Variants in SNX4 observed in about 807,000 individuals in gnomAD.
SNX4 encodes the protein sorting nexin-4.
In SNX4, 49 loss-of-function variants were observed where a neutral mutation model predicts 70.8. That is an observed-to-expected ratio of 0.69 (90% confidence interval 0.55 to 0.88). The LOEUF is 0.88. Ranked by LOEUF, SNX4 falls within the 40% of genes least tolerant of loss-of-function variation. SNX4 has a pLI of 0.00. For missense variants in SNX4, 528 were observed against 544.8 expected (o/e 0.97, Z 0.31); for synonymous variants, 206 against 183.8 (o/e 1.12, Z -0.98).
At chr3:125,472,098 CA>C (rs1934189913) in intron 8 of SNX4, among the ~76,000 whole-genome samples, 1 of 152,128 alleles carries the variant, frequency 6.6e-6, no homozygotes, top group Admixed American at 6.6e-5. Flanking sequence ...CTTTTCTAGT[CA>C]CAGCTCAGTC....
intron 11 of SNX4, among the ~76,000 whole-genome samples, chr3:125,456,670 A>G (rs1341516752): frequency 2.0e-5 from 3 of 151,990 alleles, no homozygotes; most frequent in Non-Finnish European, 2.9e-5. Context: ...TAATAAAAAC[A>G]ATTTTTTTGA....
At chr3:125,472,020 T>C (rs989016083) in intron 8 of SNX4, among the ~76,000 whole-genome samples, 1 of 152,200 alleles carries the variant, frequency 6.6e-6, no homozygotes, top group Non-Finnish European at 1.5e-5. Flanking sequence ...ATCTTCCCTG[T>C]TTCTTCTCTG....
rs527531039 is a variant in SNX4 at position 125,458,704 on chromosome 3, C to T, written c.945-1339G>A. 8.6e-5 allele frequency among the ~76,000 whole-genome samples: 13 copies of T among 150,584 alleles called. No homozygotes were observed. The South Asian group carries it at 2.5e-3, about 29-fold the overall frequency. On this transcript the variant is annotated intron_variant, in intron 10 of 13. Coordinates refer to ENST00000251775, the MANE Select transcript of SNX4 (RefSeq NM_003794.4). The stretch of plus-strand genomic sequence containing the variant: ...TGGCAGGCGCCTGTACTCCCAGCTA[C>T]GCGGGAGGCTGAAGCAGGAGAATGG...
At chr3:125,497,728 T>C (rs1034766383) in intron 4 of SNX4, 106 bp downstream of exon 4, 17 of 761,496 alleles carry the variant, frequency 2.2e-5, no homozygotes, top group Non-Finnish European at 3.4e-5. Flanking sequence ...AAAAAATAAA[T>C]TGCATATAAA....
chr3:125,466,877 G>A (rs1416630027), intron 9 of SNX4, among the ~76,000 whole-genome samples: 1 of 152,156 alleles, frequency 6.6e-6, no homozygotes, highest in Non-Finnish European at 1.5e-5. Flanking sequence ...GAGGTCAGGA[G>A]TTTGAGACCA....
At chr3:125,452,648 C>T (rs1933604012) in intron 12 of SNX4, among the ~76,000 whole-genome samples, 1 of 152,092 alleles carries the variant, frequency 6.6e-6, no homozygotes, top group Non-Finnish European at 1.5e-5. Context: ...GACAGAGTTT[C>T]ACTCTGTCGC....
intron 6 of SNX4, among the ~76,000 whole-genome samples, chr3:125,483,855 G>A (rs1469160468): frequency 2.6e-5 from 4 of 152,322 alleles, no homozygotes; most frequent in South Asian, 2.1e-4. Flanking sequence ...TTCTGAAAAC[G>A]AGGGTATAAC....
intron 11 of SNX4, among the ~76,000 whole-genome samples, chr3:125,455,990 G>T (rs572135459): frequency 3.7e-4 from 57 of 152,210 alleles, no homozygotes; most frequent in African/African-American, 1.3e-3. Flanking sequence ...GCAACAGAGC[G>T]AAACTCGGTC....
chr3:125,498,359 G>A (rs577396745), intron 2 of SNX4, among the ~76,000 whole-genome samples, 165 bp from the exon 3 acceptor site: 10 of 151,988 alleles, frequency 6.6e-5, no homozygotes, highest in African/African-American at 9.7e-5. Context: ...TCCCACTGTC[G>A]CTCAGGTTGG....
chr3:125,488,302 C>T (rs907138291), intron 6 of SNX4, among the ~76,000 whole-genome samples: 3 of 151,548 alleles, frequency 2.0e-5, no homozygotes, highest in Admixed American at 2.0e-4. Context: ...ACGGCAAAAC[C>T]CCATCTCTAC....
intron 1 of SNX4, among the ~76,000 whole-genome samples, chr3:125,516,104 C>T (rs939522651): frequency 1.3e-5 from 2 of 152,338 alleles, no homozygotes; most frequent in East Asian, 3.9e-4. Context: ...CTCAATCACT[C>T]TGCTCCATCA....
At chr3:125,492,008 T>C (rs1934671071) in intron 5 of SNX4, among the ~76,000 whole-genome samples, 1 of 145,188 alleles carries the variant, frequency 6.9e-6, no homozygotes, top group South Asian at 2.1e-4. Flanking sequence ...CTCAGGAGGC[T>C]GAGGCAGGAG....
intron 6 of SNX4, among the ~76,000 whole-genome samples, chr3:125,485,249 A>C (rs933398704): frequency 2.0e-5 from 3 of 152,112 alleles, no homozygotes; most frequent in African/African-American, 7.2e-5. Context: ...TTGTCTCAAA[A>C]ACAACAAAGG....
Position 125,447,628 on chromosome 3 carries a change from A to T in SNX4, c.*151T>A. 1.8e-6 allele frequency: 1 copy of T among 546,828 alleles called. No individual in the cohort carries two copies. 33.9% of individuals were successfully genotyped at this position (546,828 alleles called of 1,614,324 possible). On this transcript the variant is annotated 3_prime_UTR_variant, in exon 14 of 14. Transcript: ENST00000251775. ...CATTAAAATATATTTTTTGTGCTACATTAACACGACCACAATTAAGTTAAA... is the reference window on the plus strand; with the variant it reads ...CATTAAAATATATTTTTTGTGCTACTTTAACACGACCACAATTAAGTTAAA...
At position 125,482,219 on chromosome 3, in the gene SNX4, A is replaced by G. The variant is rs1934427984; in HGVS notation, c.654-1900T>C. Among the ~76,000 whole-genome samples, 3 of 152,164 alleles carry G rather than the reference A, an allele frequency of 2.0e-5. No homozygotes were observed. In the South Asian group the frequency reaches 6.2e-4, roughly 31 times the overall value. Reference sequence around the variant, plus strand: ...AATTCCAAATTTCTACCATCAGCCCAAATCTCTCTTAACTCCAGATCTATA... The same window carrying G: ...AATTCCAAATTTCTACCATCAGCCCGAATCTCTCTTAACTCCAGATCTATA... On this transcript the variant is annotated intron_variant, in intron 6 of 13. Transcript: ENST00000251775.
At position 125,476,039 on chromosome 3, in the gene SNX4, G is replaced by A. The variant is rs998182424; in HGVS notation, c.788+656C>T. On this transcript the variant is annotated intron_variant, in intron 8 of 13. Coordinates refer to ENST00000251775, the MANE Select transcript of SNX4 (RefSeq NM_003794.4). The stretch of plus-strand genomic sequence containing the variant: ...ATCCAGCATTTTAGGAGGCCGAGGC[G>A]GGTGGATCACGAGGTCAGGAGTTCA... 5.3e-5 allele frequency among the ~76,000 whole-genome samples: 8 copies of A among 151,290 alleles called. No homozygotes were observed. In the East Asian group the frequency reaches 5.9e-4, roughly 11 times the overall value.
intron 1 of SNX4, among the ~76,000 whole-genome samples, chr3:125,518,126 T>C (rs1159228556): frequency 2.6e-5 from 4 of 152,184 alleles, no homozygotes; most frequent in Non-Finnish European, 5.9e-5. Flanking sequence ...TAAATTAACA[T>C]AAACAGATTT....
intron 1 of SNX4, among the ~76,000 whole-genome samples, chr3:125,505,715 G>A (rs1935030660): frequency 3.3e-5 from 5 of 152,148 alleles, no homozygotes; most frequent in Admixed American, 3.3e-4. Flanking sequence ...TGGCTGAAGT[G>A]ACTTCCAGGG....
Position 125,489,444 on chromosome 3 carries a change from G to C in SNX4, c.617C>G (p.Ala206Gly), listed in dbSNP as rs376043460. 8 of 1,613,062 alleles carry C rather than the reference G, an allele frequency of 5.0e-6. No homozygotes were observed. The change falls in exon 6 of 14, where the codon GCG becomes GGG. Residue 206 changes from alanine to glycine, a missense_variant. Physicochemically the swap from Ala to Gly is moderately conservative, Grantham distance 60. This residue lies in a region of SNX4 where 341 missense variants were observed against 312.2 expected (regional missense o/e 1.09). Coordinates refer to ENST00000251775, the MANE Select transcript of SNX4 (RefSeq NM_003794.4). The stretch of plus-strand genomic sequence containing the variant: ...TTTCACTCTGAATGTTGCATTAAGC[G>C]CTTTTAACCTGGAGTCTGCCTGGAA... ...FQLKADSRLK[A>G]LNATFRVKNP...
Sources: gnomAD v4.1 joint callset for allele counts (sites outside exome capture counted in the v4.1 genomes callset) on GRCh38, gnomAD v4.1.1 for gene constraint, gnomAD v4.1.1 regional missense constraint, MANE v1.5 for transcripts, NCBI Gene and HGNC (gene_info 2026-07-23, HGNC 2026-07-21) for gene names.